The following NFATC1 variants were observed in gnomAD, a reference collection of about 807,000 sequenced individuals.
The protein encoded by NFATC1 is nuclear factor of activated T cells 1.
A neutral mutation model predicts 76.0 loss-of-function variants in NFATC1; 22 were observed. That is an observed-to-expected ratio of 0.29 (90% CI 0.21 to 0.41). The LOEUF is 0.41. Ranked by LOEUF, NFATC1 falls within the 10% of genes least tolerant of loss-of-function variation. NFATC1 has a pLI of 1.00. For synonymous variants in NFATC1, 704 were observed against 613.1 expected (o/e 1.15, Z -2.19); for missense variants, 1,357 against 1,337.7 (o/e 1.01, Z -0.23).
At chr18:79,495,869 A>G (rs1401254327) in intron 9 of NFATC1, among the ~76,000 whole-genome samples, 1 of 151,498 alleles carries the variant, frequency 6.6e-6, no homozygotes. Flanking sequence ...AGGTGTCCGC[A>G]AGTGTCACTG....
At chr18:79,432,254 G>A (rs561485887) in intron 2 of NFATC1, among the ~76,000 whole-genome samples, 1 of 151,632 alleles carries the variant, frequency 6.6e-6, no homozygotes, top group African/African-American at 2.4e-5. Flanking sequence ...TGGTTCTGAA[G>A]ATGGGGGAGT....
chr18:79,403,819 A>G (rs2085345371), intron 1 of NFATC1, among the ~76,000 whole-genome samples: 1 of 152,254 alleles, frequency 6.6e-6, no homozygotes, highest in Non-Finnish European at 1.5e-5. Context: ...CTTCCCCAAG[A>G]GGGCCCGGGG....
chr18:79,447,873 G>A (rs1030662896), intron 3 of NFATC1, among the ~76,000 whole-genome samples: 1 of 152,242 alleles, frequency 6.6e-6, no homozygotes, highest in Admixed American at 6.5e-5. Flanking sequence ...GAGAAGGAGG[G>A]TGAGAGGGAA....
At chr18:79,400,314 C>G in intron 1 of NFATC1, 1 of 1,277,102 alleles carries the variant, frequency 7.8e-7, no homozygotes, top group Non-Finnish European at 1.0e-6. Flanking sequence ...ACGCGGAGGA[C>G]GCGCGGGCAG....
intron 2 of NFATC1, among the ~76,000 whole-genome samples, chr18:79,427,471 GCT>G (rs1568948181): frequency 3.5e-5 from 3 of 84,544 alleles, no homozygotes; most frequent in African/African-American, 9.0e-5. Context: ...GTGGGTGGGG[GCT>G]GTACCACTGG....
At chr18:79,474,404 G>T (rs1017937066) in intron 8 of NFATC1, among the ~76,000 whole-genome samples, 7 of 145,284 alleles carry the variant, frequency 4.8e-5, no homozygotes, top group African/African-American at 1.8e-4. Context: ...CCTGAGGGAA[G>T]CGTGTTCTCT....
chr18:79,472,800 G>A (rs149570760), intron 8 of NFATC1, among the ~76,000 whole-genome samples: 1 of 152,358 alleles, frequency 6.6e-6, no homozygotes, highest in East Asian at 1.9e-4. Flanking sequence ...TCCTGACAAC[G>A]TCAGGTCAGC....
At chr18:79,456,638 T>C (rs115060517) in intron 6 of NFATC1, among the ~76,000 whole-genome samples, 128 of 152,332 alleles carry the variant, frequency 8.4e-4, no homozygotes, top group Middle Eastern at 6.8e-3. Flanking sequence ...ACTGCCCCTT[T>C]CGGCCCTTGC....
intron 9 of NFATC1, among the ~76,000 whole-genome samples, chr18:79,510,324 TA>T (rs539534610): frequency 9.9e-5 from 15 of 151,384 alleles, no homozygotes; most frequent in African/African-American, 2.4e-4. Flanking sequence ...ACTTTAGGGC[TA>T]AAAAAAAACC....
chr18:79,428,291 A>G (rs2144634142), intron 2 of NFATC1, among the ~76,000 whole-genome samples: 1 of 152,314 alleles, frequency 6.6e-6, no homozygotes, highest in African/African-American at 2.4e-5. Flanking sequence ...ATTTGTATAT[A>G]ATGTGTTGTT....
At chr18:79,515,881 A>G (rs1179420795) in intron 9 of NFATC1, 1 of 152,078 alleles carries the variant, frequency 6.6e-6, no homozygotes, top group Non-Finnish European at 1.5e-5. Flanking sequence ...ACTTCCTAGT[A>G]GAACAAAGAA....
At chr18:79,435,372 ACGGAGTCT>A (rs1187701731) in intron 3 of NFATC1, among the ~76,000 whole-genome samples, 4 of 142,672 alleles carry the variant, frequency 2.8e-5, no homozygotes, top group Admixed American at 7.0e-5. Context: ...TTTTTTTGAG[ACGGAGTCT>A]CGCTCTCACC....
In NFATC1 at chr18:79,400,030, C is replaced by T. The variant is rs554485563; in HGVS notation, c.127+3679C>T. ...GGGCGCAGCCTTAGGTACCTGGTGC[C>T]GCTCGTGGGGTCCCGACGCCCCTAC... On this transcript the variant is annotated intron_variant, in intron 1 of 9. Coordinates refer to ENST00000427363, the MANE Select transcript of NFATC1 (RefSeq NM_001278669.2). 2.4e-4 allele frequency among the ~76,000 whole-genome samples: 37 copies of T among 152,008 alleles called. 1 individual carries two copies. In the South Asian group the frequency reaches 7.5e-3, roughly 31 times the overall value.
At chr18:79,399,980 CTT>C (rs1568906948) in intron 1 of NFATC1, among the ~76,000 whole-genome samples, 9 of 148,504 alleles carry the variant, frequency 6.1e-5, no homozygotes, top group African/African-American at 2.0e-4. Flanking sequence ...AAAAAAAAAA[CTT>C]AAAAAAAAAA....
intron 3 of NFATC1, among the ~76,000 whole-genome samples, chr18:79,436,573 C>T (rs796833549): frequency 2.4e-4 from 36 of 152,344 alleles, no homozygotes; most frequent in African/African-American, 8.7e-4. Context: ...TCTCCGTCCT[C>T]CCCATCCCCA....
chr18:79,446,253 A>G (rs778756352), intron 3 of NFATC1, among the ~76,000 whole-genome samples: 32 of 152,132 alleles, frequency 2.1e-4, no homozygotes, highest in Non-Finnish European at 4.3e-4. Flanking sequence ...CTGAAATGGC[A>G]TGTTTTTTAA....
In NFATC1 at chr18:79,516,854, T is replaced by C. The variant is rs150234421; in HGVS notation, c.2783-10674T>C. 7.7e-4 allele frequency among the ~76,000 whole-genome samples: 117 copies of C among 152,366 alleles called. 1 individual carries two copies. Among genetic ancestry groups the C allele is most frequent in the African/African-American group, 2.7e-3 (113 of 41,578 alleles). On this transcript the variant is annotated intron_variant, in intron 9 of 9. Transcript: ENST00000427363. ...GATCTCTAATTTGTGGCTTTAACCA[T>C]ATTTTTATGTACTTAGCTCATATCT...
Position 79,449,003 on chromosome 18 carries a change from C to A in NFATC1, c.1589+19C>A. The A allele has an allele frequency of 6.2e-7, 1 of 1,610,870 alleles. No individual in the cohort carries two copies. The highest frequency in any genetic ancestry group is 8.5e-7 in the Non-Finnish European group (1 of 1,178,818). ...GAGCCGTGTAAGCCGCGGGGGACCT[C>A]CGGCCTCTGGCAGGGGGCGGTAGGA... is the stretch of plus-strand genomic sequence containing the variant. On this transcript the variant is annotated intron_variant, in intron 4 of 9. Coordinates refer to ENST00000427363, the MANE Select transcript of NFATC1 (RefSeq NM_001278669.2).
intron 8 of NFATC1, chr18:79,469,233 C>T: frequency 1.5e-6 from 1 of 672,426 alleles, no homozygotes; most frequent in Middle Eastern, 7.4e-4. Flanking sequence ...CATGGTTGAC[C>T]AGAAATTGAA....
Sources: gnomAD v4.1 joint callset for allele counts (sites outside exome capture counted in the v4.1 genomes callset) on GRCh38, gnomAD v4.1.1 for gene constraint, MANE v1.5 for transcripts, NCBI Gene and HGNC (gene_info 2026-07-23, HGNC 2026-07-21) for gene names.